Variants in AHCYL1 observed in about 807,000 individuals in gnomAD.
AHCYL1 encodes the protein adenosylhomocysteinase like 1, also known as S-adenosylhomocysteine hydrolase-like protein 1.
A neutral mutation model predicts 79.3 loss-of-function variants in AHCYL1; 20 were observed. That is an observed-to-expected ratio of 0.25 (90% CI 0.18 to 0.37). The LOEUF (loss-of-function observed/expected upper bound fraction) is 0.37, where lower values mean the gene tolerates loss of function less well. AHCYL1 is among the 10% of genes least tolerant of loss of function. The pLI is 1.00. For synonymous variants in AHCYL1, 223 were observed against 242.2 expected, an observed-to-expected ratio of 0.92 and a Z score of 0.74; for missense variants, 330 against 673.6, an observed-to-expected ratio of 0.49 and a Z score of 5.65.
chr1:109,995,605 A>G, intron 1 of AHCYL1: 1 of 958,458 alleles, frequency 1.0e-6, no homozygotes, highest in Non-Finnish European at 1.2e-6. Context: ...TTGCTTTATC[A>G]AGAGCCTAGT....
At chr1:110,004,771 A>G (rs1650540898) in intron 1 of AHCYL1, among the ~76,000 whole-genome samples, 1 of 152,216 alleles carries the variant, frequency 6.6e-6, no homozygotes, top group Non-Finnish European at 1.5e-5. Context: ...AACGTAAGGA[A>G]GTAAAGGTGT....
At chr1:109,986,776 TC>T (rs1424307681) in intron 1 of AHCYL1, among the ~76,000 whole-genome samples, 2 of 152,236 alleles carry the variant, frequency 1.3e-5, no homozygotes, top group African/African-American at 4.8e-5. Context: ...AGGCAGGGAT[TC>T]TTGTTCACCT....
intron 16 of AHCYL1, among the ~76,000 whole-genome samples, chr1:110,021,355 T>G (rs1461851386): frequency 1.3e-5 from 2 of 152,204 alleles, no homozygotes; most frequent in Non-Finnish European, 2.9e-5. Context: ...GGCCTCACCC[T>G]AAGAGATTCT....
chr1:110,018,418 A>G lies in AHCYL1; in HGVS notation c.1169A>G (p.Asn390Ser). 1 of 1,614,150 alleles carries G rather than the reference A, an allele frequency of 6.2e-7. No homozygotes were observed. The highest frequency in any genetic ancestry group is 2.2e-5 in the East Asian group (1 of 44,882). The change falls in exon 12 of 17, where the codon AAC (asparagine) becomes AGC (serine). Residue 390 changes from asparagine (N) to serine (S), a missense_variant. Physicochemically the swap from Asn to Ser is conservative, Grantham distance 46. Transcript: ENST00000369799. ...CGGGAGCACTTGGATCGCATGAAAA[A>G]CAGTTGTATCGTATGCAATATGGGC... ...VTREHLDRMK[N>S]SCIVCNMGHS...
At chr1:110,008,221 C>T (rs946965626) in intron 1 of AHCYL1, among the ~76,000 whole-genome samples, 2 of 151,954 alleles carry the variant, frequency 1.3e-5, no homozygotes, top group Admixed American at 6.6e-5. Context: ...GGGGCTTCAC[C>T]GTCTTGGCCA....
intron 1 of AHCYL1, chr1:109,985,387 G>C (rs1649412968): frequency 7.7e-7 from 1 of 1,297,822 alleles, no homozygotes; most frequent in Non-Finnish European, 9.8e-7. Context: ...AAGTCCTCCG[G>C]GATCGTTTTG....
intron 1 of AHCYL1, among the ~76,000 whole-genome samples, chr1:110,007,177 T>C (rs1570871509): frequency 6.6e-6 from 1 of 152,064 alleles, no homozygotes; most frequent in Non-Finnish European, 1.5e-5. Flanking sequence ...TCACCCTCCA[T>C]GTACCTGGTA....
At chr1:110,017,804 A>G (rs1013134859) in intron 10 of AHCYL1, 142 bp from the exon 11 acceptor site, 3 of 932,700 alleles carry the variant, frequency 3.2e-6, no homozygotes, top group African/African-American at 3.3e-5. Flanking sequence ...GCCAGTGTAT[A>G]TAGTTTAGCA....
chr1:109,987,411 T>C (rs1399388366), intron 1 of AHCYL1, among the ~76,000 whole-genome samples: 1 of 152,236 alleles, frequency 6.6e-6, no homozygotes, highest in Non-Finnish European at 1.5e-5. Flanking sequence ...GGTGCAGTCC[T>C]TCACCTATGA....
intron 1 of AHCYL1, among the ~76,000 whole-genome samples, chr1:109,997,705 A>C (rs1397806690): frequency 6.6e-6 from 1 of 152,220 alleles, no homozygotes; most frequent in Non-Finnish European, 1.5e-5. Context: ...AACATGAATG[A>C]AATGGGACAC....
intron 14 of AHCYL1, 62 bp from the exon 15 acceptor site, chr1:110,019,486 T>C: frequency 6.8e-7 from 1 of 1,465,008 alleles, no homozygotes; most frequent in Non-Finnish European, 9.4e-7. Context: ...AACCTGGTTT[T>C]ATTTTTATGT....
At chr1:110,006,834 A>T (rs1284448097) in intron 1 of AHCYL1, among the ~76,000 whole-genome samples, 1 of 152,232 alleles carries the variant, frequency 6.6e-6, no homozygotes, top group Non-Finnish European at 1.5e-5. Context: ...AATGTCAAAC[A>T]GCTGCAAGAA....
chr1:109,991,911 A>G (rs753000666), intron 1 of AHCYL1, among the ~76,000 whole-genome samples: 6 of 152,236 alleles, frequency 3.9e-5, no homozygotes, highest in South Asian at 2.1e-4. Context: ...CAACTCTTCT[A>G]GTACTTACTA....
chr1:110,000,768 T>A (rs560162429), intron 1 of AHCYL1, among the ~76,000 whole-genome samples: 1 of 152,194 alleles, frequency 6.6e-6, no homozygotes, highest in East Asian at 1.9e-4. Context: ...TGCTTTTTGC[T>A]TTTTAAACCT....
At chr1:110,011,381 G>A in intron 3 of AHCYL1, 24 bp downstream of exon 3, 3 of 1,610,966 alleles carry the variant, frequency 1.9e-6, no homozygotes, top group Non-Finnish European at 2.5e-6. Context: ...GTGGGTTAGG[G>A]GACCAGAAAC....
intron 5 of AHCYL1, among the ~76,000 whole-genome samples, chr1:110,013,404 C>T (rs372750134): frequency 1.3e-5 from 2 of 152,278 alleles, no homozygotes; most frequent in South Asian, 4.1e-4. Flanking sequence ...TTTAATTAAA[C>T]GTAAAATAAT....
chr1:109,990,172 A>AGT (rs1649678349), intron 1 of AHCYL1, among the ~76,000 whole-genome samples: 1 of 152,214 alleles, frequency 6.6e-6, no homozygotes, highest in Non-Finnish European at 1.5e-5. Flanking sequence ...ACATAAGGTA[A>AGT]GCACTGATTT....
intron 3 of AHCYL1, 64 bp from the exon 4 acceptor site, chr1:110,012,298 C>T (rs1651083705): frequency 6.8e-7 from 1 of 1,464,424 alleles, no homozygotes; most frequent in South Asian, 1.2e-5. Context: ...CCAGACCAGC[C>T]CTGGGGCAGG....
intron 3 of AHCYL1, 88 bp from the exon 4 acceptor site, chr1:110,012,274 A>C (rs1570881679): frequency 9.4e-6 from 11 of 1,166,334 alleles, no homozygotes; most frequent in Non-Finnish European, 1.3e-5. Flanking sequence ...TCATCTCACC[A>C]TATCTCAACA....
Sources: allele counts gnomAD v4.1 joint callset (sites outside exome capture counted in the v4.1 genomes callset), GRCh38; gene constraint gnomAD v4.1.1; transcripts MANE v1.5; gene names NCBI Gene and HGNC (gene_info 2026-07-23, HGNC 2026-07-21).